Variants in PRH1 observed in about 807,000 individuals in gnomAD.
The protein encoded by PRH1 is salivary acidic proline-rich phosphoprotein 1/2.
A neutral mutation model predicts 7.9 loss-of-function variants in PRH1; 7 were observed. That is an observed-to-expected ratio of 0.89 (90% CI 0.50 to 1.67). PRH1 has a LOEUF of 1.67. Ranked by LOEUF, PRH1 falls within the 40% of genes most tolerant of loss-of-function variation. The pLI is 0.00. For synonymous variants in PRH1, 45 were observed against 80.8 expected, an observed-to-expected ratio of 0.56 and a Z score of 2.38; for missense variants, 109 against 223.6, an observed-to-expected ratio of 0.49 and a Z score of 3.27.
chr12:11,128,739 C>T (rs911538332), intron 1 of PRH1, among the ~76,000 whole-genome samples: 2 of 151,434 alleles, frequency 1.3e-5, no homozygotes, highest in East Asian at 1.9e-4. Context: ...AGCGAGACTC[C>T]GTATCAAAAT....
intron 2 of PRH1, among the ~76,000 whole-genome samples, chr12:10,958,821 G>T (rs1019699189): frequency 6.6e-6 from 1 of 152,142 alleles, no homozygotes; most frequent in Non-Finnish European, 1.5e-5. Context: ...GACAAAATCA[G>T]ATCATTCAAA....
intron 1 of PRH1, among the ~76,000 whole-genome samples, chr12:10,977,947 TAGAA>T (rs906652937): frequency 1.3e-5 from 2 of 151,942 alleles, no homozygotes; most frequent in Non-Finnish European, 2.9e-5. Flanking sequence ...AGCTCATGGA[TAGAA>T]AGAATCAATA....
At chr12:11,134,126 T>A (rs770919396) in intron 1 of PRH1, 2 of 1,614,042 alleles carry the variant, frequency 1.2e-6, no homozygotes, top group East Asian at 4.5e-5. Context: ...AAAGGAGATC[T>A]TTTGTCTCTT....
intron 1 of PRH1, among the ~76,000 whole-genome samples, chr12:11,058,874 G>C (rs1376196742): frequency 3.1e-4 from 47 of 152,186 alleles, no homozygotes; most frequent in Admixed American, 3.1e-3. Context: ...GAGTACATCT[G>C]AGCGGCACAA....
rs1361302269 is a variant in PRH1, at chr12:11,089,045, T to C, written n.124-41857A>G. ...TGCAACTGTGGACGTCATATGCTCA[T>C]AAAGCCAGCCATGACTGGAGGGTAT... is the stretch of plus-strand genomic sequence containing the variant. On this transcript the variant is annotated intron_variant and non_coding_transcript_variant, in intron 1 of 4. Coordinates refer to the PRH1 transcript ENST00000541977. Among the ~76,000 whole-genome samples, 11 of 116,158 alleles carry C rather than the reference T, an allele frequency of 9.5e-5. 3 individuals are homozygous for C. The highest frequency in any genetic ancestry group is 3.2e-4 in the African/African-American group (11 of 34,680). The allele number at this position is 116,158 out of a possible 152,430, so 76.2% of individuals were successfully genotyped here. A position where few individuals can be genotyped will look rare whatever the true frequency, so the allele number is the denominator to read the frequency against.
At chr12:10,885,797 A>C (rs534796286), upstream of PRH1, among the ~76,000 whole-genome samples, 8 of 152,220 alleles carry the variant, frequency 5.3e-5, no homozygotes, top group Non-Finnish European at 1.2e-4. Context: ...GCTTGGTTGG[A>C]GGCATGGCTG....
chr12:11,044,174 C>T (rs964782290), intron 1 of PRH1, among the ~76,000 whole-genome samples: 6 of 152,058 alleles, frequency 3.9e-5, no homozygotes, highest in Admixed American at 3.9e-4. Flanking sequence ...AAAAAGATGC[C>T]AAGAACGTAC....
chr12:11,027,482 T>C (rs78893469), intron 1 of PRH1, among the ~76,000 whole-genome samples: 2 of 107,950 alleles, frequency 1.9e-5, no homozygotes, highest in African/African-American at 6.2e-5. Flanking sequence ...TTTTACAGTA[T>C]ATGGCATGTT....
chr12:11,052,835 T>C (rs1943201626), intron 1 of PRH1, among the ~76,000 whole-genome samples: 1 of 152,214 alleles, frequency 6.6e-6, no homozygotes, highest in South Asian at 2.1e-4. Flanking sequence ...TAATCTTTTA[T>C]TCTCTTTCTG....
intron 1 of PRH1, among the ~76,000 whole-genome samples, chr12:11,006,974 T>C (rs1396269075): frequency 6.6e-6 from 1 of 152,146 alleles, no homozygotes; most frequent in African/African-American, 2.4e-5. Flanking sequence ...CATATTCTTT[T>C]TCATTGTTTT....
chr12:11,107,990 T>C (rs1396950655), intron 1 of PRH1, among the ~76,000 whole-genome samples: 1 of 151,422 alleles, frequency 6.6e-6, no homozygotes, highest in East Asian at 2.0e-4. Flanking sequence ...CAGGAGAGAG[T>C]GGTATGACAT....
intron 1 of PRH1, chr12:10,986,746 T>C (rs1939656874): frequency 1.2e-6 from 2 of 1,612,478 alleles, no homozygotes; most frequent in Non-Finnish European, 1.7e-6. Flanking sequence ...GAGATCTTTT[T>C]TCTCTTCACC....
intron 1 of PRH1, among the ~76,000 whole-genome samples, chr12:11,096,059 G>T: frequency 8.9e-6 from 1 of 112,634 alleles, no homozygotes; most frequent in African/African-American, 3.0e-5. Context: ...ATGTTAATTT[G>T]GTTTTAGTTA....
At chr12:10,927,284 G>A (rs370184852) in intron 2 of PRH1, among the ~76,000 whole-genome samples, 26 of 152,196 alleles carry the variant, frequency 1.7e-4, no homozygotes, top group Middle Eastern at 3.4e-3. Flanking sequence ...CCTTTCTCTG[G>A]CCTTCCTTTT....
chr12:11,158,308 A>G (rs368344977), intron 1 of PRH1, among the ~76,000 whole-genome samples: 1 of 152,162 alleles, frequency 6.6e-6, no homozygotes, highest in African/African-American at 2.4e-5. Context: ...AAGTAGCACT[A>G]CACATCCACA....
At chr12:11,139,234 G>A (rs1232437448) in intron 1 of PRH1, among the ~76,000 whole-genome samples, 2 of 152,110 alleles carry the variant, frequency 1.3e-5, no homozygotes, top group Admixed American at 6.5e-5. Context: ...CATACAGAGA[G>A]TAATAAAACC....
intron 2 of PRH1, chr12:10,932,151 C>T (rs535810399): frequency 5.5e-5 from 21 of 384,414 alleles, no homozygotes; most frequent in South Asian, 1.8e-4. Flanking sequence ...TCTTCCTCAC[C>T]GCAGTAAACC....
chr12:10,892,138 A>C (rs924574303), intron 2 of PRH1, among the ~76,000 whole-genome samples: 1 of 152,148 alleles, frequency 6.6e-6, no homozygotes, highest in Non-Finnish European at 1.5e-5. Context: ...TGCACCCTGC[A>C]TGCCTTGCTC....
intron 1 of PRH1, among the ~76,000 whole-genome samples, chr12:11,106,625 T>C (rs1945426426): frequency 6.6e-6 from 1 of 152,238 alleles, no homozygotes; most frequent in African/African-American, 2.4e-5. Flanking sequence ...ATTTAATTTA[T>C]TTTTGATTAC....
Sources: allele counts gnomAD v4.1 joint callset (sites outside exome capture counted in the v4.1 genomes callset), GRCh38; gene constraint gnomAD v4.1.1; transcripts MANE v1.5; gene names NCBI Gene and HGNC (gene_info 2026-07-23, HGNC 2026-07-21).